CCDC102B: variants seen among roughly 807,000 people sequenced by gnomAD.
CCDC102B encodes coiled-coil domain containing 102B.
A neutral mutation model predicts 57.4 loss-of-function variants in CCDC102B; 75 were observed. The ratio of observed to expected loss-of-function variants is 1.31; its 90% confidence interval spans 1.08 to 1.58. The LOEUF (loss-of-function observed/expected upper bound fraction) is 1.58, where lower values mean the gene tolerates loss of function less well. Ranked by LOEUF, CCDC102B falls within the 40% of genes most tolerant of loss-of-function variation. The probability of loss-of-function intolerance (pLI) is 0.00; values close to 1 mark genes in which losing one functional copy is unlikely to be tolerated. For missense variants in CCDC102B, 636 were observed against 582.6 expected (o/e 1.09, Z -0.94); for synonymous variants, 206 against 201.9 (o/e 1.02, Z -0.17).
chr18:68,839,002 G>A (rs1490103973), intron 3 of CCDC102B, 76 bp downstream of exon 3: 8 of 1,165,222 alleles, frequency 6.9e-6, no homozygotes, highest in Non-Finnish European at 1.0e-5. Context: ...AGATAGATTG[G>A]TCATTTGATA....
At chr18:68,835,937 A>G in intron 1 of CCDC102B, among the ~76,000 whole-genome samples, 1 of 152,168 alleles carries the variant, frequency 6.6e-6, no homozygotes, top group East Asian at 1.9e-4. Context: ...CCTTGAGACT[A>G]GTCAATAGTC....
intron 7 of CCDC102B, among the ~76,000 whole-genome samples, chr18:69,036,304 A>C (rs1256795884): frequency 6.6e-6 from 1 of 152,076 alleles, no homozygotes; most frequent in Non-Finnish European, 1.5e-5. Flanking sequence ...AATATAGCCG[A>C]ATCCTTGTTA....
At chr18:68,716,175 G>A (rs2031971620) in intron 1 of CCDC102B, among the ~76,000 whole-genome samples, 1 of 151,332 alleles carries the variant, frequency 6.6e-6, no homozygotes. Context: ...TTGAAATGAT[G>A]GGAATGTTCT....
At chr18:68,799,861 T>A (rs1030124711) in intron 1 of CCDC102B, among the ~76,000 whole-genome samples, 1 of 152,142 alleles carries the variant, frequency 6.6e-6, no homozygotes. Flanking sequence ...TTGTACTCAA[T>A]ACATAGAACA....
chr18:68,824,682 T>A (rs1369068194), intron 1 of CCDC102B, among the ~76,000 whole-genome samples: 1 of 152,210 alleles, frequency 6.6e-6, no homozygotes, highest in Admixed American at 6.5e-5. Context: ...AATAAAAATA[T>A]TGAAATGTGC....
chr18:68,813,552 A>G (rs913386519), intron 1 of CCDC102B, among the ~76,000 whole-genome samples: 1 of 151,904 alleles, frequency 6.6e-6, no homozygotes, highest in Admixed American at 6.6e-5. Context: ...ACATTTTTAT[A>G]GGACTTTGGA....
intron 1 of CCDC102B, among the ~76,000 whole-genome samples, chr18:68,813,492 G>A (rs550175924): frequency 1.5e-4 from 23 of 151,900 alleles, no homozygotes; most frequent in Middle Eastern, 3.4e-3. Context: ...GAAGGGAAGG[G>A]GAGGCCAGGA....
chr18:68,849,319 C>T (rs1051678925), intron 4 of CCDC102B, among the ~76,000 whole-genome samples: 6 of 152,144 alleles, frequency 3.9e-5, no homozygotes, highest in South Asian at 2.1e-4. Context: ...GGAATATTAG[C>T]GCAGTTCTGA....
At chr18:68,999,023 GA>G (rs1441745984) in intron 6 of CCDC102B, among the ~76,000 whole-genome samples, 3 of 149,136 alleles carry the variant, frequency 2.0e-5, no homozygotes, top group Admixed American at 6.7e-5. Flanking sequence ...GAGAGAGAGA[GA>G]GAGAGAGAGA....
intron 1 of CCDC102B, among the ~76,000 whole-genome samples, chr18:68,807,239 G>C (rs554564111): frequency 6.6e-6 from 1 of 152,114 alleles, no homozygotes; most frequent in South Asian, 2.1e-4. Context: ...TTCTCTGCTT[G>C]CTATAATTTA....
chr18:68,851,859 C>T (rs927964879), intron 4 of CCDC102B, among the ~76,000 whole-genome samples: 7 of 152,032 alleles, frequency 4.6e-5, no homozygotes, highest in African/African-American at 1.2e-4. Flanking sequence ...TGTTTTACAC[C>T]GTGGGGAGCA....
intron 7 of CCDC102B, among the ~76,000 whole-genome samples, chr18:69,030,796 A>G (rs1350715108): frequency 6.6e-6 from 1 of 152,148 alleles, no homozygotes; most frequent in African/African-American, 2.4e-5. Context: ...CTGGGACTAC[A>G]GGTGTACACC....
At chr18:68,919,829 T>G (rs1216938552) in intron 6 of CCDC102B, among the ~76,000 whole-genome samples, 2 of 152,220 alleles carry the variant, frequency 1.3e-5, no homozygotes, top group African/African-American at 4.8e-5. Flanking sequence ...ATAATTGTTG[T>G]GGTGAATTTT....
intron 5 of CCDC102B, among the ~76,000 whole-genome samples, chr18:68,888,137 T>C (rs925232970): frequency 1.3e-5 from 2 of 152,212 alleles, no homozygotes; most frequent in South Asian, 2.1e-4. Flanking sequence ...GTTAAAAATA[T>C]ACTTTTTTTA....
At position 68,769,019 on chromosome 18, in the gene CCDC102B, C is replaced by T. The variant is rs142207001; in HGVS notation, c.-67+52425C>T. 7.2e-3 allele frequency among the ~76,000 whole-genome samples: 1,090 copies of T among 151,892 alleles called. 14 individuals carry two copies. Among genetic ancestry groups the T allele is most frequent in the African/African-American group, 0.024 (1,003 of 41,418 alleles). On this transcript the variant is annotated intron_variant, in intron 2 of 3. Coordinates refer to the CCDC102B transcript ENST00000578970. ...CTGTAATCCCAGCACTTTGGGAGGC[C>T]GAGGCAGGTGGATCACCTGAGGTCA... is the stretch of plus-strand genomic sequence containing the variant.
chr18:69,034,987 C>A (rs955119154), intron 7 of CCDC102B, among the ~76,000 whole-genome samples: 5 of 151,830 alleles, frequency 3.3e-5, no homozygotes, highest in African/African-American at 9.7e-5. Flanking sequence ...CAAATCTGAA[C>A]CTGTGTCATT....
At chr18:68,876,375 A>G (rs1285773060) in intron 5 of CCDC102B, among the ~76,000 whole-genome samples, 2 of 152,182 alleles carry the variant, frequency 1.3e-5, no homozygotes, top group African/African-American at 4.8e-5. Flanking sequence ...GGAGCTGTAC[A>G]GCAAATGTGA....
intron 1 of CCDC102B, among the ~76,000 whole-genome samples, chr18:68,807,362 T>A (rs1428118427): frequency 1.3e-5 from 2 of 152,144 alleles, no homozygotes; most frequent in Non-Finnish European, 2.9e-5. Context: ...TCTCTTTTTT[T>A]ATAAATTAAA....
At chr18:68,838,454 A>G in intron 2 of CCDC102B, 1 of 985,228 alleles carries the variant, frequency 1.0e-6, no homozygotes, top group Non-Finnish European at 1.2e-6. Context: ...GATTAGAAAA[A>G]GAGAACAAAC....
Sources: allele counts gnomAD v4.1 joint callset (sites outside exome capture counted in the v4.1 genomes callset), GRCh38; gene constraint gnomAD v4.1.1; transcripts MANE v1.5; gene names NCBI Gene and HGNC (gene_info 2026-07-23, HGNC 2026-07-21).